HSPA12A: variants seen among roughly 807,000 people sequenced by gnomAD.
HSPA12A encodes the protein heat shock protein family A (Hsp70) member 12A, also known as heat shock 70 kDa protein 12A.
In HSPA12A, 28 loss-of-function variants were observed where a neutral mutation model predicts 69.2. That is an observed-to-expected ratio of 0.40 (90% CI 0.30 to 0.55). The LOEUF (loss-of-function observed/expected upper bound fraction) is 0.55. HSPA12A is among the 20% of genes least tolerant of loss of function. The probability of loss-of-function intolerance (pLI) is 0.38; values close to 1 mark genes in which losing one functional copy is unlikely to be tolerated. For synonymous variants in HSPA12A, 345 were observed against 370.5 expected (o/e 0.93, Z 0.79); for missense variants, 686 against 900.7 (o/e 0.76, Z 3.05).
At chr10:116,776,731 T>C (rs1554891192) in intron 2 of HSPA12A, among the ~76,000 whole-genome samples, 1 of 152,236 alleles carries the variant, frequency 6.6e-6, no homozygotes, top group African/African-American at 2.4e-5. Context: ...TTTTCTTAAT[T>C]GTTAACTCCA....
chr10:116,790,189 C>T (rs565095005), intron 2 of HSPA12A, among the ~76,000 whole-genome samples: 55 of 150,730 alleles, frequency 3.6e-4, no homozygotes, highest in African/African-American at 1.0e-3. Context: ...GCAGGCTCCG[C>T]GCCCTGGGGG....
At chr10:116,792,055 A>C (rs777335338) in intron 2 of HSPA12A, among the ~76,000 whole-genome samples, 1 of 151,960 alleles carries the variant, frequency 6.6e-6, no homozygotes, top group Non-Finnish European at 1.5e-5. Context: ...ATCATTAATA[A>C]TAATAATATA....
intron 2 of HSPA12A, among the ~76,000 whole-genome samples, chr10:116,807,556 A>T (rs1407821927): frequency 6.6e-6 from 1 of 152,144 alleles, no homozygotes; most frequent in Non-Finnish European, 1.5e-5. Context: ...ATCTTATGGC[A>T]CATTTGATCT....
chr10:116,721,671 C>A (rs1850781520), intron 1 of HSPA12A, among the ~76,000 whole-genome samples: 1 of 152,188 alleles, frequency 6.6e-6, no homozygotes, highest in African/African-American at 2.4e-5. Flanking sequence ...TCCCTCCCCT[C>A]CCCGGCACTG....
rs1849140538 is a variant in HSPA12A at position 116,673,426 on chromosome 10, C to T, written c.*1355G>A. ...TGGAAGCCCTCTTCCTAAAGGAGCC[C>T]AAAGGGGACACCTGCAGAGGGCGGG... On this transcript the variant is annotated 3_prime_UTR_variant, in exon 12 of 12. Coordinates refer to ENST00000369209, the MANE Select transcript of HSPA12A (RefSeq NM_025015.3). 1 of 152,098 alleles carries T rather than the reference C, an allele frequency of 6.6e-6. No individual in the cohort carries two copies. The highest frequency in any genetic ancestry group is 2.1e-4 in the South Asian group (1 of 4,820). The allele number at this position is 152,098 out of a possible 1,614,324, so 9.4% of individuals were successfully genotyped here.
intron 1 of HSPA12A, among the ~76,000 whole-genome samples, chr10:116,845,716 C>T (rs898721636): frequency 1.3e-5 from 2 of 152,108 alleles, no homozygotes; most frequent in East Asian, 1.9e-4. Context: ...TGCCCTAAGA[C>T]ATTTAATCTC....
chr10:116,685,973 C>T (rs906114755), intron 6 of HSPA12A, among the ~76,000 whole-genome samples: 2 of 152,206 alleles, frequency 1.3e-5, no homozygotes, highest in Non-Finnish European at 2.9e-5. Flanking sequence ...GGCCAACCAC[C>T]CGGGCAGCAT....
intron 1 of HSPA12A, among the ~76,000 whole-genome samples, chr10:116,725,742 G>A (rs186114647): frequency 1.9e-3 from 285 of 152,168 alleles, no homozygotes; most frequent in Non-Finnish European, 3.1e-3. Context: ...CACTGCCAGG[G>A]TGACTGTATT....
chr10:116,713,656 T>C (rs1554883429), intron 1 of HSPA12A, among the ~76,000 whole-genome samples: 1 of 151,964 alleles, frequency 6.6e-6, no homozygotes, highest in Non-Finnish European at 1.5e-5. Context: ...TCAACAGGGG[T>C]GGTTCACAGT....
At chr10:116,680,694 C>T (rs1221437944) in intron 9 of HSPA12A, among the ~76,000 whole-genome samples, 3 of 152,210 alleles carry the variant, frequency 2.0e-5, no homozygotes, top group African/African-American at 7.2e-5. Context: ...TCATGTTGGC[C>T]ATGCTGGTCT....
At chr10:116,841,353 A>G (rs1424778721) in intron 1 of HSPA12A, among the ~76,000 whole-genome samples, 1 of 152,190 alleles carries the variant, frequency 6.6e-6, no homozygotes, top group Non-Finnish European at 1.5e-5. Context: ...TCAAGTATTA[A>G]TGGAAACGTT....
chr10:116,753,243 AAGGCCTGCGGGCTCAGAC>A (rs1554888504), intron 2 of HSPA12A, among the ~76,000 whole-genome samples: 2 of 151,956 alleles, frequency 1.3e-5, no homozygotes, highest in Non-Finnish European at 2.9e-5. Flanking sequence ...TGGTCAGGGC[AAGGCCTGCGGGCTCAGAC>A]AGGCCTGTGT....
At chr10:116,705,467 G>A (rs534270042) in intron 2 of HSPA12A, among the ~76,000 whole-genome samples, 189 bp from the exon 3 acceptor site, 4 of 152,226 alleles carry the variant, frequency 2.6e-5, no homozygotes, top group South Asian at 2.1e-4. Context: ...AATGGCTCAG[G>A]GAGAAATGGG....
At chr10:116,807,421 A>G (rs1301200716) in intron 2 of HSPA12A, among the ~76,000 whole-genome samples, 1 of 151,772 alleles carries the variant, frequency 6.6e-6, no homozygotes, top group African/African-American at 2.4e-5. Context: ...TCTTCCTGAT[A>G]CCCTGCTCAT....
intron 2 of HSPA12A, among the ~76,000 whole-genome samples, chr10:116,817,065 G>A (rs1208751248): frequency 1.3e-5 from 2 of 152,154 alleles, no homozygotes; most frequent in Admixed American, 6.5e-5. Flanking sequence ...TTCTTAGGCA[G>A]AAAGAAAGAA....
At chr10:116,787,151 C>T (rs1030610505) in intron 2 of HSPA12A, among the ~76,000 whole-genome samples, 1 of 151,934 alleles carries the variant, frequency 6.6e-6, no homozygotes, top group African/African-American at 2.4e-5. Context: ...GTCAGATCAA[C>T]CAAGGGCAAA....
intron 2 of HSPA12A, among the ~76,000 whole-genome samples, chr10:116,753,864 T>C (rs1308302036): frequency 6.6e-6 from 1 of 152,178 alleles, no homozygotes; most frequent in Non-Finnish European, 1.5e-5. Context: ...AGCTCCTCGG[T>C]AGAGAAGGGC....
At chr10:116,799,395 T>A (rs1844906162) in intron 2 of HSPA12A, among the ~76,000 whole-genome samples, 3 of 152,228 alleles carry the variant, frequency 2.0e-5, no homozygotes, top group Admixed American at 6.5e-5. Context: ...ATACTGCATT[T>A]GGAGGCAGGA....
intron 8 of HSPA12A, among the ~76,000 whole-genome samples, 165 bp downstream of exon 8, chr10:116,681,626 A>G (rs919946311): frequency 6.6e-6 from 1 of 152,220 alleles, no homozygotes; most frequent in Non-Finnish European, 1.5e-5. Context: ...TGGTTTTACA[A>G]CATGCAAAAT....
Sources: gnomAD v4.1 joint callset for allele counts (sites outside exome capture counted in the v4.1 genomes callset) on GRCh38, gnomAD v4.1.1 for gene constraint, MANE v1.5 for transcripts, NCBI Gene and HGNC (gene_info 2026-07-23, HGNC 2026-07-21) for gene names.